The following MLYCD variants were observed in gnomAD, a reference collection of about 807,000 sequenced individuals.
MLYCD encodes malonyl-CoA decarboxylase.
Under a neutral mutation model 35.8 loss-of-function variants are expected in MLYCD, and 27 were observed. That is an observed-to-expected ratio of 0.75 (90% CI 0.56 to 1.04). The LOEUF (loss-of-function observed/expected upper bound fraction) is 1.04, where lower values mean the gene tolerates loss of function less well. MLYCD is among the 50% of genes least tolerant of loss of function. The pLI, the probability that MLYCD is intolerant of heterozygous loss-of-function variation, is 0.00. For synonymous variants in MLYCD, 403 were observed against 302.4 expected, an observed-to-expected ratio of 1.33 and a Z score of -3.45; for missense variants, 917 against 665.1, an observed-to-expected ratio of 1.38 and a Z score of -4.17.
At chr16:83,907,419 A>G (rs150119870) in intron 2 of MLYCD, among the ~76,000 whole-genome samples, 40 of 152,336 alleles carry the variant, frequency 2.6e-4, no homozygotes, top group African/African-American at 9.1e-4. Flanking sequence ...AGAGTTGTAG[A>G]AACTCACTGG....
At chr16:83,908,336 G>GT (rs1317359933) in intron 3 of MLYCD, 54 bp downstream of exon 3, 4 of 1,554,070 alleles carry the variant, frequency 2.6e-6, no homozygotes, top group Non-Finnish European at 3.5e-6. Flanking sequence ...AGCCCCTTGT[G>GT]TTTTTTGTTT....
Position 83,915,538 on chromosome 16 carries a change from T to C in MLYCD, c.*49T>C, listed in dbSNP as rs761181610. 2 of 1,596,996 alleles carry C rather than the reference T, an allele frequency of 1.3e-6. No individual in the cohort carries two copies. The highest frequency in any genetic ancestry group is 1.7e-6 in the Non-Finnish European group (2 of 1,178,178). ...GGGCCCCGGCTAAGAAAACGATCATTTTCAGGAGGGGCCGGGAGTTATGTA... is the reference window on the plus strand; with the variant it reads ...GGGCCCCGGCTAAGAAAACGATCATCTTCAGGAGGGGCCGGGAGTTATGTA... On this transcript the variant is annotated 3_prime_UTR_variant, in exon 5 of 5. Transcript: ENST00000262430.
At chr16:83,914,719 C>T (rs919655095) in intron 4 of MLYCD, 6 of 543,176 alleles carry the variant, frequency 1.1e-5, no homozygotes, top group South Asian at 1.0e-4. Flanking sequence ...ATGGAGGCTG[C>T]AGTGAGCCAT....
In MLYCD at chr16:83,915,541, C is replaced by A. The variant is rs954533504; in HGVS notation, c.*52C>A. ...CCCCGGCTAAGAAAACGATCATTTT[C>A]AGGAGGGGCCGGGAGTTATGTATCT... On this transcript the variant is annotated 3_prime_UTR_variant, in exon 5 of 5. Coordinates refer to ENST00000262430, the MANE Select transcript of MLYCD (RefSeq NM_012213.3). The A allele has an allele frequency of 6.9e-6, 11 of 1,593,246 alleles. No homozygotes were observed. The East Asian group carries it at 2.2e-4, about 32-fold the overall frequency.
chr16:83,904,327 G>A (rs1403208568), intron 1 of MLYCD, among the ~76,000 whole-genome samples: 1 of 152,132 alleles, frequency 6.6e-6, no homozygotes, highest in Non-Finnish European at 1.5e-5. Flanking sequence ...TGTACCCCAG[G>A]AAAACGTATG....
Position 83,899,162 on chromosome 16 carries a change from A to G in MLYCD, c.18A>G (p.Pro6=), listed in dbSNP as rs1436058295. Residue 6 remains proline, a synonymous_variant, in exon 1 of 5, where the codon CCA becomes CCG. Transcript: ENST00000262430. MRGFG[P]GLTARRLLPL... is the part of the protein sequence containing the mutation. ...GGGGCACCATGCGAGGCTTCGGGCC[A>G]GGCTTGACGGCCAGGCGTCTCCTCC... 8.7e-6 allele frequency: 10 copies of G among 1,155,616 alleles called. No homozygotes were observed. The highest frequency in any genetic ancestry group is 3.6e-4 in the Middle Eastern group (1 of 2,760). The allele number at this position is 1,155,616 out of a possible 1,614,324, so 71.6% of individuals were successfully genotyped here. A position where few individuals can be genotyped will look rare whatever the true frequency, so the allele number is the denominator to read the frequency against.
intron 3 of MLYCD, 164 bp from the exon 4 acceptor site, chr16:83,912,054 A>C (rs1907197753): frequency 1.0e-6 from 1 of 978,208 alleles, no homozygotes; most frequent in East Asian, 2.4e-5. Flanking sequence ...TTTTCAAAAC[A>C]GAGCAGCTTT....
At chr16:83,908,740 T>A (rs1425075527) in intron 3 of MLYCD, among the ~76,000 whole-genome samples, 1 of 152,126 alleles carries the variant, frequency 6.6e-6, no homozygotes, top group Non-Finnish European at 1.5e-5. Context: ...CGAGTGGAGG[T>A]TATGGGACTT....
chr16:83,901,756 C>A (rs986636139), intron 1 of MLYCD, among the ~76,000 whole-genome samples: 1 of 152,130 alleles, frequency 6.6e-6, no homozygotes, highest in African/African-American at 2.4e-5. Flanking sequence ...AGGAGCTGGC[C>A]CCTGGGAAAT....
Position 83,912,643 on chromosome 16 carries a change from T to C in MLYCD, c.948+276T>C, listed in dbSNP as rs143218623. ...CTGAGGTCATCAACTCTCTCTAGGG[T>C]GACCTCGTTCTGACCTGGTCAGGAC... On this transcript the variant is annotated intron_variant, in intron 4 of 4. Transcript: ENST00000262430. 1.8e-4 allele frequency: 82 copies of C among 466,876 alleles called. 2 individuals carry two copies. Among genetic ancestry groups the C allele is most frequent in the African/African-American group, 1.4e-3 (72 of 50,758 alleles). The allele number at this position is 466,876 out of a possible 1,614,324, so 28.9% of individuals were successfully genotyped here.
At chr16:83,908,601 G>A (rs1033215450) in intron 3 of MLYCD, among the ~76,000 whole-genome samples, 1 of 152,194 alleles carries the variant, frequency 6.6e-6, no homozygotes, top group Non-Finnish European at 1.5e-5. Flanking sequence ...ACAGATACCT[G>A]ATTCATACAT....
chr16:83,906,914 T>C (rs1459040223), intron 1 of MLYCD, 73 bp from the exon 2 acceptor site: 1 of 1,271,492 alleles, frequency 7.9e-7, no homozygotes, highest in African/African-American at 1.5e-5. Context: ...TCATTCCTTG[T>C]GCTGACCACA....
rs776786568 is a variant in MLYCD, at chr16:83,912,220, A to C, written c.801A>C (p.Ala267=). 4 of 1,614,246 alleles carry C rather than the reference A, an allele frequency of 2.5e-6. No individual in the cohort carries two copies. Among genetic ancestry groups the C allele is most frequent in the Non-Finnish European group, 3.4e-6 (4 of 1,180,044 alleles). The change falls in exon 4 of 5, where the codon GCA becomes GCC. Residue 267 remains alanine (A), a splice_region_variant and synonymous_variant. Coordinates refer to ENST00000262430, the MANE Select transcript of MLYCD (RefSeq NM_012213.3). ...LTGDISSNIQ[A]IVKEHPPSET... ...GAACCATCGTTGGTGTTTTCCAGGCAATCGTGAAGGAACATCCTCCATCAG... is the reference window on the plus strand; with the variant it reads ...GAACCATCGTTGGTGTTTTCCAGGCCATCGTGAAGGAACATCCTCCATCAG...
chr16:83,917,448 G>T lies in MLYCD; in HGVS notation c.*1959G>T, dbSNP rs929511516. On this transcript the variant is annotated 3_prime_UTR_variant, in exon 5 of 5. Transcript: ENST00000262430. ...GTGTGTCCGCAGTTGCCCTGTCCTCGCTGTCCTCGGTTTGGCAGACAGGTC... is the reference window on the plus strand; with the variant it reads ...GTGTGTCCGCAGTTGCCCTGTCCTCTCTGTCCTCGGTTTGGCAGACAGGTC... 6.5e-6 allele frequency: 1 copy of T among 154,644 alleles called. No individual in the cohort carries two copies. The allele number at this position is 154,644 out of a possible 1,614,324, so 9.6% of individuals were successfully genotyped here. A position where few individuals can be genotyped will look rare whatever the true frequency, so the allele number is the denominator to read the frequency against.
chr16:83,907,705 A>G (rs1907030736), intron 2 of MLYCD, among the ~76,000 whole-genome samples: 1 of 152,204 alleles, frequency 6.6e-6, no homozygotes, highest in Admixed American at 6.5e-5. Context: ...GCCATTTCAC[A>G]TGCTGAAAAC....
At position 83,923,920 on chromosome 16, in the gene MLYCD, GAC is replaced by G. The variant is rs1006066715; in HGVS notation, c.*8433_*8434del. Reference sequence around the variant, plus strand: ...AGCCCGGCTGGGCTGAGAGACTGAGGACAGGGGGTGTTAGGGTGCTGACATTC... The same window carrying G: ...AGCCCGGCTGGGCTGAGAGACTGAGGAGGGGGTGTTAGGGTGCTGACATTC... On this transcript the variant is annotated 3_prime_UTR_variant, in exon 5 of 5. Transcript: ENST00000262430. 5.9e-5 allele frequency: 9 copies of G among 152,476 alleles called. No homozygotes were observed. Among genetic ancestry groups the G allele is most frequent in the African/African-American group, 2.2e-4 (9 of 41,466 alleles). The allele number at this position is 152,476 out of a possible 1,614,324, so 9.4% of individuals were successfully genotyped here.
chr16:83,900,367 C>T (rs371424372), intron 1 of MLYCD, among the ~76,000 whole-genome samples: 3 of 152,176 alleles, frequency 2.0e-5, no homozygotes, highest in Non-Finnish European at 4.4e-5. Flanking sequence ...GAAAGAAGGC[C>T]TAGAGCAACA....
rs1907553257 is a variant in MLYCD at position 83,919,169 on chromosome 16, A to C, written c.*3680A>C. ...GAGAACACAGTGCACAGGAGAATAC[A>C]CACGGTGCACAGGAGAATTCACACA... On this transcript the variant is annotated 3_prime_UTR_variant, in exon 5 of 5. Coordinates refer to ENST00000262430, the MANE Select transcript of MLYCD (RefSeq NM_012213.3). 6.7e-6 allele frequency: 1 copy of C among 150,014 alleles called. No individual in the cohort carries two copies. The highest frequency in any genetic ancestry group is 2.5e-5 in the African/African-American group (1 of 40,446). 9.3% of individuals were successfully genotyped at this position (150,014 alleles called of 1,614,324 possible).
Position 83,915,463 on chromosome 16 carries a change from C to T in MLYCD, c.1456C>T (p.Gln486Ter), listed in dbSNP as rs765012475. Residue 486 changes from glutamine to a stop codon, truncating the protein, a stop_gained, in exon 5 of 5, where the codon CAG becomes TAG. Transcript: ENST00000262430. LOFTEE classifies it high-confidence loss of function. The part of the protein sequence containing the change: ...ASEQVLSLVA[Q>*]FQKNSKL ...TGAGCAGGTCCTCAGCCTAGTGGCC[C>T]AGTTTCAAAAGAACAGCAAGCTCTG... The T allele has an allele frequency of 1.9e-6, 3 of 1,612,852 alleles. No homozygotes were observed. In the South Asian group the frequency reaches 3.3e-5, roughly 18 times the overall value.
Sources: gnomAD v4.1 joint callset for allele counts (sites outside exome capture counted in the v4.1 genomes callset) on GRCh38, gnomAD v4.1.1 for gene constraint, MANE v1.5 for transcripts, NCBI Gene and HGNC (gene_info 2026-07-23, HGNC 2026-07-21) for gene names.